Variants in ACVR2B observed in about 807,000 individuals in gnomAD.
ACVR2B encodes the protein activin A receptor type 2B, also known as activin receptor type-2B.
In ACVR2B, 18 loss-of-function variants were observed where a neutral mutation model predicts 65.1. The ratio of observed to expected loss-of-function variants is 0.28; its 90% confidence interval spans 0.19 to 0.41. The LOEUF is 0.41. ACVR2B is among the 10% of genes least tolerant of loss of function. The pLI is 1.00. For synonymous variants in ACVR2B, 298 were observed against 277.7 expected, an observed-to-expected ratio of 1.07 and a Z score of -0.73; for missense variants, 482 against 682.7, an observed-to-expected ratio of 0.71 and a Z score of 3.28.
rs2125724160 is a variant in ACVR2B at position 38,479,726 on chromosome 3, C to T, written c.859C>T (p.Leu287=). 6.2e-7 allele frequency: 1 copy of T among 1,614,214 alleles called. No individual in the cohort carries two copies. Among genetic ancestry groups the T allele is most frequent in the South Asian group, 1.1e-5 (1 of 91,084 alleles). ...LKGNIITWNE[L]CHVAETMSRG... ...GGGGAACATCATCACATGGAACGAA[C>T]TGTGTCATGTAGCAGAGACGATGTC... Residue 287 remains leucine, a synonymous_variant, in exon 7 of 11, where the codon CTG becomes TTG. Transcript: ENST00000352511.
rs200018101 is a variant in ACVR2B at position 38,478,136 on chromosome 3, C to G, written c.371-5C>G. ...GTTTGACACAGGGCTCTGTGTGTCC[C>G]CCAGTCACGTACGAGCCACCCCCGA... On this transcript the variant is annotated splice_polypyrimidine_tract_variant and splice_region_variant and intron_variant, in intron 3 of 10. Coordinates refer to ENST00000352511, the MANE Select transcript of ACVR2B (RefSeq NM_001106.4). 8 of 1,611,276 alleles carry G rather than the reference C, an allele frequency of 5.0e-6. No homozygotes were observed. The African/African-American group carries it at 9.3e-5, about 19-fold the overall frequency.
At chr3:38,459,551 C>T in intron 1 of ACVR2B, 1 of 982,402 alleles carries the variant, frequency 1.0e-6, no homozygotes, top group Non-Finnish European at 1.2e-6. Context: ...AAGCGGAGCA[C>T]TGGGGTTGTA....
rs754436899 is a variant in ACVR2B, at chr3:38,479,233, G to C, written c.772G>C (p.Glu258Gln). Residue 258 changes from glutamate to glutamine, a missense_variant, in exon 6 of 11, where the codon GAA becomes CAA. Physicochemically the swap from Glu to Gln is conservative, Grantham distance 29 (BLOSUM62 2). Transcript: ENST00000352511. ...IAAEKRGSNLEVELWLITAFH... is the reference protein window; with the variant it reads ...IAAEKRGSNLQVELWLITAFH... ...TGCCGAGAAGCGAGGCTCCAACCTC[G>C]AAGTAGAGCTGTGGCTCATCACGGC... 1 of 1,614,152 alleles carries C rather than the reference G, an allele frequency of 6.2e-7. No homozygotes were observed. The highest frequency in any genetic ancestry group is 1.1e-5 in the South Asian group (1 of 91,078).
At chr3:38,454,725 T>G (rs1575575024) in intron 1 of ACVR2B, 2 of 198,258 alleles carry the variant, frequency 1.0e-5, no homozygotes, top group Non-Finnish European at 2.0e-5. Flanking sequence ...CCAAGAGGGG[T>G]GGGCAGATCT....
intron 1 of ACVR2B, among the ~76,000 whole-genome samples, chr3:38,461,933 C>T (rs564928053): frequency 6.6e-6 from 1 of 152,276 alleles, no homozygotes; most frequent in Admixed American, 6.5e-5. Flanking sequence ...TGGCTCATGC[C>T]TGTAATCCCA....
At chr3:38,473,333 T>G (rs1472593150) in intron 1 of ACVR2B, 6 of 152,310 alleles carry the variant, frequency 3.9e-5, no homozygotes, top group African/African-American at 1.2e-4. Flanking sequence ...CACCCGCATC[T>G]TGGGAGCATG....
chr3:38,479,349 C>T, intron 6 of ACVR2B, 78 bp downstream of exon 6: 7 of 1,604,078 alleles, frequency 4.4e-6, no homozygotes, highest in Non-Finnish European at 8.5e-7. Flanking sequence ...ATGATGACCC[C>T]TTCCCTGTGG....
chr3:38,463,208 T>A (rs1298495039), intron 1 of ACVR2B, among the ~76,000 whole-genome samples: 1 of 152,104 alleles, frequency 6.6e-6, no homozygotes, highest in Non-Finnish European at 1.5e-5. Context: ...TGGAAGTGCA[T>A]ATGTATGTTC....
chr3:38,477,049 G>A lies in ACVR2B; in HGVS notation c.53-238G>A. ...CCTCCTCCCTTTTGCTTAGGCCTAG[G>A]GGCAGCTGTGATGGGCTGCAGAATG... On this transcript the variant is annotated intron_variant, in intron 1 of 10. Transcript: ENST00000352511. The surrounding 1 kb of genome is among the most constrained non-coding windows in gnomAD (Gnocchi z 6.7). The A allele has an allele frequency of 1.7e-6, 1 of 596,848 alleles. No individual in the cohort carries two copies. Among genetic ancestry groups the A allele is most frequent in the Non-Finnish European group, 3.0e-6 (1 of 334,712 alleles). The allele number at this position is 596,848 out of a possible 1,614,324, so 37.0% of individuals were successfully genotyped here. A position where few individuals can be genotyped will look rare whatever the true frequency, so the allele number is the denominator to read the frequency against.
rs943937338 is a variant in ACVR2B at position 38,485,106 on chromosome 3, G to A, written c.*1774G>A. 3.3e-5 allele frequency: 5 copies of A among 152,204 alleles called. No individual in the cohort carries two copies. Among genetic ancestry groups the A allele is most frequent in the African/African-American group, 4.8e-5 (2 of 41,456 alleles). The allele number at this position is 152,204 out of a possible 1,614,324, so 9.4% of individuals were successfully genotyped here. On this transcript the variant is annotated 3_prime_UTR_variant, in exon 11 of 11. Transcript: ENST00000352511. Reference sequence around the variant, plus strand: ...AAACAGTGCATCTCTTCATCGTGAGGGTAGGCAAGGCGGGGGCCGTGGGGA... The same window carrying A: ...AAACAGTGCATCTCTTCATCGTGAGAGTAGGCAAGGCGGGGGCCGTGGGGA...
chr3:38,481,269 GCAC>G lies in ACVR2B; in HGVS notation c.960-81_960-79del. 8.3e-7 allele frequency: 1 copy of G among 1,210,782 alleles called. No individual in the cohort carries two copies. The highest frequency in any genetic ancestry group is 1.2e-6 in the Non-Finnish European group (1 of 815,812). 75.0% of individuals were successfully genotyped at this position (1,210,782 alleles called of 1,614,324 possible). ...GCCTGGTCTGGGGCCTGACTCTAGG[GCAC>G]AGACTCTAGTATCTTGGGAACCAAG... On this transcript the variant is annotated intron_variant, in intron 7 of 10. Transcript: ENST00000352511. This position sits in a 1 kb window ranked among gnomAD's most constrained non-coding sequence, Gnocchi z 4.7.
At chr3:38,459,613 C>T (rs140640565) in intron 1 of ACVR2B, 11 of 985,428 alleles carry the variant, frequency 1.1e-5, no homozygotes, top group East Asian at 1.1e-4. Context: ...TGTGGCGCTC[C>T]GGGGAGCCGC....
chr3:38,470,224 C>T (rs1709796774), intron 1 of ACVR2B, among the ~76,000 whole-genome samples: 1 of 152,094 alleles, frequency 6.6e-6, no homozygotes, highest in Non-Finnish European at 1.5e-5. Flanking sequence ...AAACACAAAT[C>T]ATTAGACTAA....
intron 1 of ACVR2B, chr3:38,476,456 G>A (rs904631852): frequency 3.3e-5 from 5 of 152,202 alleles, no homozygotes; most frequent in Non-Finnish European, 5.9e-5. Context: ...TCCCCTTGGT[G>A]ACTCTGGGAG....
intron 1 of ACVR2B, among the ~76,000 whole-genome samples, chr3:38,462,404 C>T (rs1160917406): frequency 6.6e-6 from 1 of 152,092 alleles, no homozygotes; most frequent in Admixed American, 6.5e-5. Flanking sequence ...ATTTTCCAGC[C>T]CCCCATCCCC....
At chr3:38,474,719 C>T (rs1252063336) in intron 1 of ACVR2B, 1 of 152,158 alleles carries the variant, frequency 6.6e-6, no homozygotes, top group East Asian at 1.9e-4. Flanking sequence ...CTGAAATAAT[C>T]CTTTAAGCAA....
intron 8 of ACVR2B, 65 bp from the exon 9 acceptor site, chr3:38,482,133 C>G: frequency 6.2e-7 from 1 of 1,609,660 alleles, no homozygotes; most frequent in South Asian, 1.1e-5. Flanking sequence ...GCTGTAACTC[C>G]CATGTCCCAG....
In ACVR2B at chr3:38,478,282, A is replaced by C; in HGVS notation, c.512A>C (p.Asp171Ala). The C allele has an allele frequency of 6.2e-7, 1 of 1,613,858 alleles. No homozygotes were observed. Among genetic ancestry groups the C allele is most frequent in the Non-Finnish European group, 8.5e-7 (1 of 1,179,970 alleles). ...CGCAAGCCCCCCTACGGTCATGTGG[A>C]CATCCATGAGGTGAGACAGTGCTGG... is the stretch of plus-strand genomic sequence containing the variant. ...RHRKPPYGHV[D>A]IHEDPGPPPP... is the part of the protein sequence containing the mutation. The change falls in exon 4 of 11, where the codon GAC becomes GCC. Residue 171 changes from aspartate (D) to alanine (A), a missense_variant. Physicochemically the swap from Asp to Ala is moderately radical, Grantham distance 126. Coordinates refer to ENST00000352511, the MANE Select transcript of ACVR2B (RefSeq NM_001106.4).
At chr3:38,471,806 C>T (rs1039676757) in intron 1 of ACVR2B, among the ~76,000 whole-genome samples, 5 of 152,096 alleles carry the variant, frequency 3.3e-5, no homozygotes, top group South Asian at 2.1e-4. Flanking sequence ...ACAGGTTTAT[C>T]GTGAGGATTA....
Sources: gnomAD v4.1 joint callset for allele counts (sites outside exome capture counted in the v4.1 genomes callset) on GRCh38, gnomAD v4.1.1 for gene constraint, Gnocchi (gnomAD v3.1) non-coding constraint, MANE v1.5 for transcripts, NCBI Gene and HGNC (gene_info 2026-07-23, HGNC 2026-07-21) for gene names.